The following KDM1B variants were observed in gnomAD, a reference collection of about 807,000 sequenced individuals.
KDM1B encodes the protein lysine demethylase 1B, also known as lysine-specific histone demethylase 2.
In KDM1B, 63 loss-of-function variants were observed where a neutral mutation model predicts 107.4. The observed-to-expected ratio is 0.59, with a 90% confidence interval of 0.48 to 0.72. The LOEUF (loss-of-function observed/expected upper bound fraction) is 0.72, where lower values mean the gene tolerates loss of function less well. Among genes scored for constraint, KDM1B ranks in the 30% least tolerant of loss-of-function variants. The pLI is 0.00. For missense variants in KDM1B, 749 were observed against 1,020.8 expected (o/e 0.73, Z 3.63); for synonymous variants, 363 against 363.9 (o/e 1.00, Z 0.03).
intron 6 of KDM1B, among the ~76,000 whole-genome samples, chr6:18,168,975 C>T (rs1345506183): frequency 6.6e-6 from 1 of 150,636 alleles, no homozygotes; most frequent in Non-Finnish European, 1.5e-5. Context: ...GGGTTCAAGC[C>T]ATTCTCCTGC....
intron 2 of KDM1B, among the ~76,000 whole-genome samples, chr6:18,157,460 A>G (rs1033162982): frequency 2.0e-5 from 3 of 152,226 alleles, no homozygotes; most frequent in Admixed American, 6.5e-5. Flanking sequence ...TCAGGAAACT[A>G]TACTTTCTTT....
chr6:18,221,998 C>A lies in KDM1B; in HGVS notation c.*6C>A. 6.2e-7 allele frequency: 1 copy of A among 1,613,346 alleles called. No homozygotes were observed. The highest frequency in any genetic ancestry group is 8.5e-7 in the Non-Finnish European group (1 of 1,179,382). On this transcript the variant is annotated 3_prime_UTR_variant, in exon 22 of 22. Coordinates refer to ENST00000650836, the MANE Select transcript of KDM1B (RefSeq NM_001364614.2). ...GCAAGATTGCAGCATTTTAAGAATT[C>A]GGTGGACCCAGCTTTCTTCTGTACC...
At position 18,200,716 on chromosome 6, in the gene KDM1B, A is replaced by G. The variant is rs112444051; in HGVS notation, c.1359+140A>G. 9.9e-4 allele frequency: 600 copies of G among 605,294 alleles called. 5 individuals are homozygous for G. The African/African-American group carries it at 0.01, about 10-fold the overall frequency. The allele number at this position is 605,294 out of a possible 1,614,324, so 37.5% of individuals were successfully genotyped here. On this transcript the variant is annotated intron_variant, in intron 13 of 21. Transcript: ENST00000650836. The surrounding 1 kb of genome is among the most constrained non-coding windows in gnomAD (Gnocchi z 4.3). ...TCCTATGCAAAGCAGTAAGAATTAC[A>G]CTTCTGCCTTTCTGAGAAGGTAGAA...
chr6:18,156,865 C>T (rs758398817), intron 2 of KDM1B, among the ~76,000 whole-genome samples: 4 of 151,836 alleles, frequency 2.6e-5, no homozygotes, highest in East Asian at 1.9e-4. Context: ...TGTAGTGAGC[C>T]GAGATCGCAC....
rs563968404 is a variant in KDM1B, at chr6:18,213,495, G to A, written c.1984-161G>A. Among the ~76,000 whole-genome samples, 1 of 152,130 alleles carries A rather than the reference G, an allele frequency of 6.6e-6. No homozygotes were observed. The highest frequency in any genetic ancestry group is 1.5e-5 in the Non-Finnish European group (1 of 67,988). ...CAAAAAACAACCAAGGAGTTCACAG[G>A]GGGAAAAAAGGAGGTGAGGAGAATG... is the stretch of plus-strand genomic sequence containing the variant. On this transcript the variant is annotated intron_variant, in intron 18 of 21. Transcript: ENST00000650836. This position sits in a 1 kb window ranked among gnomAD's most constrained non-coding sequence, Gnocchi z 5.9.
At chr6:18,216,783 G>A (rs926071036) in intron 20 of KDM1B, among the ~76,000 whole-genome samples, 21 of 152,102 alleles carry the variant, frequency 1.4e-4, no homozygotes, top group Non-Finnish European at 2.2e-4. Flanking sequence ...TCAGTATAGC[G>A]TTATAATTGT....
At position 18,211,429 on chromosome 6, in the gene KDM1B, A is replaced by G. The variant is rs1013912420; in HGVS notation, c.1867-1059A>G. The G allele has an allele frequency of 2.6e-5, 4 of 152,250 alleles. No homozygotes were observed. The highest frequency in any genetic ancestry group is 9.7e-5 in the African/African-American group (4 of 41,448). 9.4% of individuals were successfully genotyped at this position (152,250 alleles called of 1,614,324 possible). A position where few individuals can be genotyped will look rare whatever the true frequency, so the allele number is the denominator to read the frequency against. On this transcript the variant is annotated intron_variant, in intron 17 of 21. Coordinates refer to ENST00000650836, the MANE Select transcript of KDM1B (RefSeq NM_001364614.2). This position sits in a 1 kb window ranked among gnomAD's most constrained non-coding sequence, Gnocchi z 5.2. Reference sequence around the variant, plus strand: ...AGCCCAGCCAATCTGATGCACTTGCATGAGATGTAGAAGGTGTAGGTTGAC... The same window carrying G: ...AGCCCAGCCAATCTGATGCACTTGCGTGAGATGTAGAAGGTGTAGGTTGAC...
At chr6:18,171,550 T>C (rs1315968414) in intron 7 of KDM1B, 71 bp downstream of exon 7, 2 of 846,636 alleles carry the variant, frequency 2.4e-6, no homozygotes, top group Non-Finnish European at 4.1e-6. Context: ...GGTGTATATG[T>C]TTTTCATGTA....
rs1788250765 is a variant in KDM1B at position 18,204,564 on chromosome 6, G to A, written c.1532-973G>A. On this transcript the variant is annotated intron_variant, in intron 14 of 21. Coordinates refer to ENST00000650836, the MANE Select transcript of KDM1B (RefSeq NM_001364614.2). This position sits in a 1 kb window ranked among gnomAD's most constrained non-coding sequence, Gnocchi z 4.9. ...GATGGTTGTCATCACTGGAACAGTT[G>A]TAAAGAAGTAACCTGTACTGAGATG... Among the ~76,000 whole-genome samples, 1 of 152,198 alleles carries A rather than the reference G, an allele frequency of 6.6e-6. No individual in the cohort carries two copies. The highest frequency in any genetic ancestry group is 1.9e-4 in the East Asian group (1 of 5,198).
chr6:18,217,014 A>AC (rs1789287122), intron 20 of KDM1B, among the ~76,000 whole-genome samples: 1 of 152,130 alleles, frequency 6.6e-6, no homozygotes, highest in Admixed American at 6.5e-5. Flanking sequence ...TTTTGTGGAG[A>AC]ACCCTGTTGA....
chr6:18,174,028 C>T (rs1338657010), intron 7 of KDM1B, among the ~76,000 whole-genome samples: 1 of 152,198 alleles, frequency 6.6e-6, no homozygotes, highest in African/African-American at 2.4e-5. Flanking sequence ...TCGTGATCCA[C>T]CTGCCTTGGC....
chr6:18,160,597 G>A (rs1260240222), intron 3 of KDM1B, among the ~76,000 whole-genome samples: 1 of 151,990 alleles, frequency 6.6e-6, no homozygotes, highest in African/African-American at 2.4e-5. Context: ...AATTAGCTGG[G>A]TGTGGTGGCG....
At chr6:18,216,849 A>G (rs1225085802) in intron 20 of KDM1B, among the ~76,000 whole-genome samples, 1 of 152,226 alleles carries the variant, frequency 6.6e-6, no homozygotes, top group Admixed American at 6.5e-5. Flanking sequence ...AAACTTTATC[A>G]TAGGTATGAA....
rs113116687 is a variant in KDM1B, at chr6:18,166,173, G to A, written c.306-94G>A. 1,153 of 632,184 alleles carry A rather than the reference G, an allele frequency of 1.8e-3. 8 individuals carry two copies. In the African/African-American group the frequency reaches 0.019, roughly 11 times the overall value. 39.2% of individuals were successfully genotyped at this position (632,184 alleles called of 1,614,324 possible). On this transcript the variant is annotated intron_variant, in intron 5 of 21. Transcript: ENST00000650836. Reference sequence around the variant, plus strand: ...TAACAAGGCTAGTTATGTTTGTTACGTAAGATTTACTAACCTGCCTCCTGT... The same window carrying A: ...TAACAAGGCTAGTTATGTTTGTTACATAAGATTTACTAACCTGCCTCCTGT...
intron 10 of KDM1B, among the ~76,000 whole-genome samples, chr6:18,192,598 T>TGGTCAGAG (rs1787350987): frequency 6.6e-6 from 1 of 152,064 alleles, no homozygotes; most frequent in African/African-American, 2.4e-5. Context: ...AACAAAATTG[T>TGGTCAGAG]GGTCAGAGTT....
intron 6 of KDM1B, among the ~76,000 whole-genome samples, chr6:18,168,986 C>T (rs1054390226): frequency 2.0e-5 from 3 of 151,930 alleles, no homozygotes; most frequent in African/African-American, 7.3e-5. Context: ...ATTCTCCTGC[C>T]TCTGCCACCT....
chr6:18,179,840 G>GT (rs1484069405), intron 7 of KDM1B, among the ~76,000 whole-genome samples: 1 of 79,396 alleles, frequency 1.3e-5, no homozygotes, highest in Non-Finnish European at 2.3e-5. Flanking sequence ...TTTAGCATTG[G>GT]TTTTTTTTCC....
chr6:18,175,058 T>G (rs1051675553), intron 7 of KDM1B, among the ~76,000 whole-genome samples: 9 of 152,238 alleles, frequency 5.9e-5, no homozygotes, highest in African/African-American at 2.2e-4. Context: ...TTAAGGAATC[T>G]CCACACTGTT....
chr6:18,184,736 C>CT (rs58897300), intron 7 of KDM1B, among the ~76,000 whole-genome samples: 1,001 of 65,412 alleles, frequency 0.015, 44 homozygotes, highest in African/African-American at 0.051. Context: ...AGCTTTTTTC[C>CT]TTTTTTTTTT....
Sources: gnomAD v4.1 joint callset for allele counts (sites outside exome capture counted in the v4.1 genomes callset) on GRCh38, gnomAD v4.1.1 for gene constraint, Gnocchi (gnomAD v3.1) non-coding constraint, MANE v1.5 for transcripts, NCBI Gene and HGNC (gene_info 2026-07-23, HGNC 2026-07-21) for gene names.